The following NCOR1 variants were observed in gnomAD, a reference collection of about 807,000 sequenced individuals.
NCOR1 encodes protein phosphatase 1, regulatory subunit 109.
NCOR1 carries 63 observed loss-of-function variants against 288.1 expected under a neutral mutation model. The observed-to-expected ratio is 0.22, with a 90% CI of 0.18 to 0.27. NCOR1 has a LOEUF of 0.27. Ranked by LOEUF, NCOR1 falls within the 10% of genes least tolerant of loss-of-function variation. The pLI is 1.00. For synonymous variants in NCOR1, 1,007 were observed against 1,065.9 expected (o/e 0.94, Z 1.08); for missense variants, 2,397 against 3,019.2 (o/e 0.79, Z 4.83).
chr17:16,142,974 A>C (rs963346424), intron 11 of NCOR1, among the ~76,000 whole-genome samples: 1 of 152,114 alleles, frequency 6.6e-6, no homozygotes, highest in Non-Finnish European at 1.5e-5. Context: ...TTCATAGATG[A>C]ATCTCCTCCA....
chr17:16,164,993 G>C lies in NCOR1; in HGVS notation c.604C>G (p.Leu202Val), dbSNP rs752892550. The C allele has an allele frequency of 3.8e-6, 6 of 1,586,200 alleles. No individual in the cohort carries two copies. The highest frequency in any genetic ancestry group is 4.3e-6 in the Non-Finnish European group (5 of 1,168,560). The change falls in exon 5 of 46, where the codon CTG becomes GTG. Residue 202 changes from leucine (L) to valine (V), a missense_variant. Around this residue, in one of 11 missense-constraint regions of NCOR1, gnomAD observed 76 missense variants for 102.2 expected, o/e 0.74. Transcript: ENST00000268712. ...IAKVEQQILKLKKKQQQLEEE... is the reference protein window; with the variant it reads ...IAKVEQQILKVKKKQQQLEEE... The stretch of plus-strand genomic sequence containing the variant: ...AAGACATTTACTTGTTTCTTTTTCA[G>C]TTTAAGGATCTGCTGTTCTACTTTT...
chr17:16,052,134 G>A (rs1474165833), intron 40 of NCOR1, among the ~76,000 whole-genome samples: 3 of 151,454 alleles, frequency 2.0e-5, no homozygotes, highest in Non-Finnish European at 2.9e-5. Context: ...TCAGCCTCCC[G>A]AGTAACTGGA....
intron 18 of NCOR1, among the ~76,000 whole-genome samples, chr17:16,114,974 C>T (rs1568113926): frequency 6.6e-6 from 1 of 152,174 alleles, no homozygotes; most frequent in Non-Finnish European, 1.5e-5. Context: ...AGCAGAGGTC[C>T]TCCATGAGAG....
At chr17:16,139,776 C>T (rs546332444) in intron 11 of NCOR1, among the ~76,000 whole-genome samples, 9 of 152,262 alleles carry the variant, frequency 5.9e-5, no homozygotes, top group African/African-American at 1.2e-4. Flanking sequence ...CTTTGTTACA[C>T]GTGCAGAACT....
chr17:16,061,666 C>G lies in NCOR1; in HGVS notation c.5616G>C (p.Glu1872Asp). Residue 1872 changes from glutamate to aspartate, a missense_variant, in exon 37 of 46, where the codon GAG becomes GAC. This residue lies in a region of NCOR1 where 1,872 missense variants were observed against 2,187.8 expected (regional missense o/e 0.86). Transcript: ENST00000268712. ...EQQQLEQKTL[E>D]VEKRSVQCLY... Reference sequence around the variant, plus strand: ...AACACTGAACAGATCTCTTCTCCACCTCCAGGGTTTTCTGCTCTAGCTGCT... The same window carrying G: ...AACACTGAACAGATCTCTTCTCCACGTCCAGGGTTTTCTGCTCTAGCTGCT... 6.2e-7 allele frequency: 1 copy of G among 1,614,252 alleles called. No individual in the cohort carries two copies. The highest frequency in any genetic ancestry group is 1.7e-5 in the Admixed American group (1 of 60,034).
At chr17:16,052,177 T>A (rs11078328) in intron 40 of NCOR1, among the ~76,000 whole-genome samples, 65,961 of 150,940 alleles carry the variant, frequency 0.44, 15,847 homozygotes, top group Middle Eastern at 0.57. Flanking sequence ...CACGCCTGGC[T>A]AATTTTTTGT....
intron 14 of NCOR1, among the ~76,000 whole-genome samples, chr17:16,136,644 A>G (rs942318264): frequency 6.6e-6 from 1 of 152,012 alleles, no homozygotes; most frequent in Non-Finnish European, 1.5e-5. Flanking sequence ...CATCTCTACT[A>G]AAAATACAAA....
At chr17:16,212,817 A>G (rs1600671830) in intron 1 of NCOR1, among the ~76,000 whole-genome samples, 1 of 152,000 alleles carries the variant, frequency 6.6e-6, no homozygotes, top group Admixed American at 6.6e-5. Flanking sequence ...CACCCCTATC[A>G]TCCTAGCACT....
intron 9 of NCOR1, 48 bp downstream of exon 9, chr17:16,149,403 T>C: frequency 8.8e-7 from 1 of 1,133,894 alleles, no homozygotes; most frequent in South Asian, 1.5e-5. Flanking sequence ...TAAATGAGCA[T>C]GAATGGGAAA....
intron 42 of NCOR1, among the ~76,000 whole-genome samples, chr17:16,043,489 G>A (rs1174255038): frequency 1.3e-5 from 2 of 152,204 alleles, no homozygotes; most frequent in African/African-American, 4.8e-5. Flanking sequence ...TTAGGTACTT[G>A]TTTCATCATA....
intron 21 of NCOR1, 96 bp from the exon 22 acceptor site, chr17:16,092,154 G>C: frequency 7.2e-7 from 1 of 1,388,516 alleles, no homozygotes; most frequent in Non-Finnish European, 9.9e-7. Context: ...TCATGTTATT[G>C]GTTGAATTGA....
chr17:16,143,687 C>G lies in NCOR1; in HGVS notation c.1092G>C (p.Gln364His). 2 of 1,612,816 alleles carry G rather than the reference C, an allele frequency of 1.2e-6. No homozygotes were observed. The highest frequency in any genetic ancestry group is 1.1e-5 in the South Asian group (1 of 90,870). ...TGGTGGCTGAAAGACCAGCTCCCCT[C>G]TGCCCAACTCTAAACATGAGGGAGA... ...EQQERFQRVG[Q>H]RGAGLSATIA... The change falls in exon 11 of 46, where the codon CAG becomes CAC. Residue 364 changes from glutamine to histidine, a missense_variant. Around this residue, in one of 11 missense-constraint regions of NCOR1, gnomAD observed 51 missense variants for 127.6 expected, o/e 0.40. Transcript: ENST00000268712.
intron 41 of NCOR1, among the ~76,000 whole-genome samples, chr17:16,048,628 T>C (rs2058949735): frequency 6.6e-6 from 1 of 151,776 alleles, no homozygotes; most frequent in African/African-American, 2.4e-5. Context: ...AATGAACAAA[T>C]ATTTTCTAAC....
At chr17:16,089,900 C>G (rs550522922) in intron 22 of NCOR1, among the ~76,000 whole-genome samples, 1 of 152,174 alleles carries the variant, frequency 6.6e-6, no homozygotes, top group African/African-American at 2.4e-5. Context: ...TAAAACAAAA[C>G]AACCTTTGGA....
At chr17:16,032,596 C>A in intron 45 of NCOR1, 113 bp from the exon 46 acceptor site, 1 of 1,001,224 alleles carries the variant, frequency 1.0e-6, no homozygotes, top group Non-Finnish European at 1.4e-6. Flanking sequence ...TCATGTGACA[C>A]CATGAAAGCA....
At chr17:16,113,946 A>T (rs1285007141) in intron 18 of NCOR1, among the ~76,000 whole-genome samples, 1 of 152,002 alleles carries the variant, frequency 6.6e-6, no homozygotes. Flanking sequence ...TTGGTATATT[A>T]AAAAAACATT....
rs1317861335 is a variant in NCOR1 at position 16,212,771 on chromosome 17, T to A, written c.-71+2591A>T. ...AAAATTTCACCAATTCATAACACAA[T>A]TTTTTTTAATGCTTTTAAGGCCGGG... On this transcript the variant is annotated intron_variant, in intron 1 of 45. Transcript: ENST00000268712. 2.6e-5 allele frequency among the ~76,000 whole-genome samples: 4 copies of A among 152,082 alleles called. No individual in the cohort carries two copies. In the East Asian group the frequency reaches 5.8e-4, roughly 22 times the overall value.
At chr17:16,178,066 A>C (rs2153488372) in intron 3 of NCOR1, among the ~76,000 whole-genome samples, 1 of 152,084 alleles carries the variant, frequency 6.6e-6, no homozygotes, top group South Asian at 2.1e-4. Context: ...AAAATTAGCC[A>C]GTCATGGAGG....
At chr17:16,112,369 A>G (rs979949633) in intron 18 of NCOR1, among the ~76,000 whole-genome samples, 1 of 152,220 alleles carries the variant, frequency 6.6e-6, no homozygotes, top group African/African-American at 2.4e-5. Context: ...TAAATCAGTC[A>G]ATGTTATACT....
Sources: gnomAD v4.1 joint callset for allele counts (sites outside exome capture counted in the v4.1 genomes callset) on GRCh38, gnomAD v4.1.1 for gene constraint, gnomAD v4.1.1 regional missense constraint, MANE v1.5 for transcripts, NCBI Gene and HGNC (gene_info 2026-07-23, HGNC 2026-07-21) for gene names.